The following ABCA6 variants were observed in gnomAD, a reference collection of about 807,000 sequenced individuals.
ABCA6 encodes the protein ATP-binding cassette sub-family A member 6.
Under a neutral mutation model 191.2 loss-of-function variants are expected in ABCA6, and 164 were observed. The ratio of observed to expected loss-of-function variants is 0.86; its 90% CI spans 0.76 to 0.98. The LOEUF (loss-of-function observed/expected upper bound fraction) is 0.98. Among genes scored for constraint, ABCA6 ranks in the 50% least tolerant of loss-of-function variants. The pLI is 0.00. For missense variants in ABCA6, 1,958 were observed against 1,894.1 expected, an observed-to-expected ratio of 1.03 and a Z score of -0.63; for synonymous variants, 636 against 647.7, an observed-to-expected ratio of 0.98 and a Z score of 0.27.
chr17:69,140,107 AAAAT>A (rs2074006031), intron 2 of ABCA6, among the ~76,000 whole-genome samples: 1 of 151,576 alleles, frequency 6.6e-6, no homozygotes, highest in Non-Finnish European at 1.5e-5. Flanking sequence ...TAATAATAAA[AAAAT>A]AAAAAATAAA....
chr17:69,090,398 G>A (rs562220312), intron 26 of ABCA6, among the ~76,000 whole-genome samples: 15 of 152,232 alleles, frequency 9.9e-5, no homozygotes, highest in South Asian at 6.2e-4. Flanking sequence ...CCTGCTTCAA[G>A]GCCTTTGCTT....
rs190820653 is a variant in ABCA6 at position 69,088,218 on chromosome 17, C to T, written c.3647G>A (p.Cys1216Tyr). ...QTLLFVFVLR[C>Y]MELKCGKKRM... Reference sequence around the variant, plus strand: ...TTTCTTTCCACATTTTAGTTCCATGCATCTTAGAACAAAAACGAATAGCAA... The same window carrying T: ...TTTCTTTCCACATTTTAGTTCCATGTATCTTAGAACAAAAACGAATAGCAA... The change falls in exon 28 of 39, where the codon TGC becomes TAC. Residue 1216 changes from cysteine to tyrosine, a missense_variant. Coordinates refer to ENST00000284425, the MANE Select transcript of ABCA6 (RefSeq NM_080284.3). The T allele has an allele frequency of 2.5e-6, 4 of 1,612,110 alleles. No homozygotes were observed. Among genetic ancestry groups the T allele is most frequent in the African/African-American group, 2.7e-5 (2 of 74,828 alleles).
intron 25 of ABCA6, among the ~76,000 whole-genome samples, chr17:69,092,752 G>A (rs1004816332): frequency 1.3e-5 from 2 of 152,108 alleles, no homozygotes; most frequent in Non-Finnish European, 2.9e-5. Context: ...GATCACCAAA[G>A]GACAACTGCA....
chr17:69,138,921 C>T (rs2073988601), intron 2 of ABCA6, among the ~76,000 whole-genome samples: 1 of 151,994 alleles, frequency 6.6e-6, no homozygotes, highest in Non-Finnish European at 1.5e-5. Flanking sequence ...GGATCCCTTC[C>T]TTACACCTTA....
chr17:69,113,238 C>T lies in ABCA6; in HGVS notation c.2025G>A (p.Glu675=). The T allele has an allele frequency of 6.2e-7, 1 of 1,603,780 alleles. No homozygotes were observed. Among genetic ancestry groups the T allele is most frequent in the South Asian group, 1.1e-5 (1 of 89,838 alleles). The change falls in exon 15 of 39, where the codon GAG becomes GAA. Residue 675 remains glutamate, a synonymous_variant. Transcript: ENST00000284425. ...VILFSTQSMD[E]ADILADRKVI... is the part of the protein sequence containing the mutation. The stretch of plus-strand genomic sequence containing the variant: ...AACAATTACCAGCCAGGATGTCAGC[C>T]TCATCCATGGACTGGGTACTGAAAA...
Position 69,088,276 on chromosome 17 carries a change from C to G in ABCA6, c.3607-18G>C. 6.4e-7 allele frequency: 1 copy of G among 1,559,098 alleles called. No individual in the cohort carries two copies. The highest frequency in any genetic ancestry group is 8.7e-7 in the Non-Finnish European group (1 of 1,143,440). On this transcript the variant is annotated intron_variant, in intron 27 of 38. Transcript: ENST00000284425. The stretch of plus-strand genomic sequence containing the variant: ...AAGTAGGGCTATGAGCAAAGAAATA[C>G]AGTTATATTTAGGCATAAGTTCACA...
At position 69,110,828 on chromosome 17, in the gene ABCA6, G is replaced by T; in HGVS notation, c.2245C>A (p.Pro749Thr). 1 of 1,609,668 alleles carries T rather than the reference G, an allele frequency of 6.2e-7. No homozygotes were observed. Among genetic ancestry groups the T allele is most frequent in the Non-Finnish European group, 8.5e-7 (1 of 1,178,008 alleles). The part of the protein sequence containing the change: ...ENKEKLVYTL[P>T]LERTNTFPDL... Reference sequence around the variant, plus strand: ...GGAAATGTATTTGTCCTTTCCAGTGGCAAAGTATATACAAGCTTTTCTTTG... The same window carrying T: ...GGAAATGTATTTGTCCTTTCCAGTGTCAAAGTATATACAAGCTTTTCTTTG... Residue 749 changes from proline (P) to threonine (T), a missense_variant, in exon 17 of 39, where the codon CCA becomes ACA. By Grantham distance (38) the Pro-to-Thr change is conservative. Transcript: ENST00000284425.
chr17:69,117,912 A>C lies in ABCA6; in HGVS notation c.1481T>G (p.Val494Gly). 6.3e-7 allele frequency: 1 copy of C among 1,581,594 alleles called. No individual in the cohort carries two copies. Among genetic ancestry groups the C allele is most frequent in the Non-Finnish European group, 8.6e-7 (1 of 1,156,348 alleles). ...KKEYKGKSGKVEALKGLLFDI... is the reference protein window; with the variant it reads ...KKEYKGKSGKGEALKGLLFDI... ...TTTTTCTTTACCTTTCAATGCTTCC[A>C]CTTTTCCAGATTTTCCTTTATATTC... Residue 494 changes from valine to glycine, a missense_variant, in exon 11 of 39, where the codon GTG becomes GGG. Transcript: ENST00000284425.
intron 24 of ABCA6, 60 bp downstream of exon 24, chr17:69,096,568 A>C: frequency 1.6e-6 from 2 of 1,216,212 alleles, no homozygotes; most frequent in Non-Finnish European, 2.2e-6. Context: ...TTAAAATAAC[A>C]ATGTTAAAAT....
In ABCA6 at chr17:69,079,005, A is replaced by T. The variant is rs1237270711; in HGVS notation, c.4822T>A (p.Trp1608Arg). ...TCATCTGAATGAGGGAGGAGTTTCC[A>T]TCTCATTGTTGTATCAATTTCTTCA... ...FDEEIDTTMR[W>R]KLLPHSDEP The change falls in exon 39 of 39, where the codon TGG becomes AGG. Residue 1608 changes from tryptophan to arginine, a missense_variant. Transcript: ENST00000284425. 1 of 1,612,080 alleles carries T rather than the reference A, an allele frequency of 6.2e-7. No individual in the cohort carries two copies. The highest frequency in any genetic ancestry group is 8.5e-7 in the Non-Finnish European group (1 of 1,179,356).
chr17:69,100,734 AG>A, intron 22 of ABCA6, 62 bp downstream of exon 22: 1 of 1,455,770 alleles, frequency 6.9e-7, no homozygotes, highest in South Asian at 1.4e-5. Flanking sequence ...AAAGCTAAAG[AG>A]AGAAAACATA....
At chr17:69,107,871 T>C in intron 17 of ABCA6, 59 bp from the exon 18 acceptor site, 1 of 931,396 alleles carries the variant, frequency 1.1e-6, no homozygotes, top group Non-Finnish European at 1.7e-6. Context: ...CTAAACCAAG[T>C]AAATTAATAC....
rs555470516 is a variant in ABCA6, at chr17:69,106,344, G to A, written c.2390-133C>T. The A allele has an allele frequency of 1.7e-4, 165 of 945,144 alleles. 1 individual carries two copies. The highest frequency in any genetic ancestry group is 6.9e-4 in the Middle Eastern group (2 of 2,878). The allele number at this position is 945,144 out of a possible 1,614,324, so 58.5% of individuals were successfully genotyped here. A position where few individuals can be genotyped will look rare whatever the true frequency, so the allele number is the denominator to read the frequency against. ...ATGGTGGCTTATGCCTGTAATCCCAGTACTCTGGGAGACCAAGGTGGGTGG... is the reference window on the plus strand; with the variant it reads ...ATGGTGGCTTATGCCTGTAATCCCAATACTCTGGGAGACCAAGGTGGGTGG... On this transcript the variant is annotated intron_variant, in intron 18 of 38. Coordinates refer to ENST00000284425, the MANE Select transcript of ABCA6 (RefSeq NM_080284.3).
chr17:69,094,114 G>T (rs2144630508), intron 25 of ABCA6, among the ~76,000 whole-genome samples: 1 of 152,220 alleles, frequency 6.6e-6, no homozygotes, highest in Non-Finnish European at 1.5e-5. Context: ...CTGATTTTCT[G>T]CTGTGATCTT....
intron 26 of ABCA6, 99 bp downstream of exon 26, chr17:69,091,044 C>T: frequency 1.6e-6 from 2 of 1,259,666 alleles, no homozygotes; most frequent in Non-Finnish European, 1.1e-6. Flanking sequence ...TTTGCTGTTA[C>T]TCCCCAGTTC....
chr17:69,089,521 C>A lies in ABCA6; in HGVS notation c.3550G>T (p.Glu1184Ter). Residue 1184 changes from glutamate to a stop codon, truncating the protein, a stop_gained, in exon 27 of 39, where the codon GAA becomes TAA. Transcript: ENST00000284425. LOFTEE classifies it high-confidence loss of function. ...LEVRDQEHYR[E>*]FPEANFELSA... ...AATTCAAAATTTGCCTCTGGAAATT[C>A]TCTGTAGTGCTCCTGGTCTCTCTGA... 1 of 1,613,420 alleles carries A rather than the reference C, an allele frequency of 6.2e-7. No individual in the cohort carries two copies. Among genetic ancestry groups the A allele is most frequent in the Non-Finnish European group, 8.5e-7 (1 of 1,179,824 alleles).
chr17:69,121,159 A>G (rs1163634942), intron 10 of ABCA6, among the ~76,000 whole-genome samples: 3 of 152,112 alleles, frequency 2.0e-5, no homozygotes, highest in Non-Finnish European at 4.4e-5. Context: ...ACACGTTGGA[A>G]TTGATTGAAA....
At chr17:69,114,961 A>G (rs1568022183) in intron 12 of ABCA6, 24 bp from the exon 13 acceptor site, 2 of 1,545,372 alleles carry the variant, frequency 1.3e-6, no homozygotes, top group Admixed American at 3.7e-5. Context: ...TTAAAAATAA[A>G]ATTGGCAAGA....
At position 69,089,496 on chromosome 17, in the gene ABCA6, A is replaced by C. The variant is rs2072878585; in HGVS notation, c.3575T>G (p.Leu1192Trp). Residue 1192 changes from leucine (L) to tryptophan (W), a missense_variant, in exon 27 of 39, where the codon TTG becomes TGG. Physicochemically the swap from Leu to Trp is moderately conservative, Grantham distance 61. Transcript: ENST00000284425. Reference protein sequence around the residue: ...YREFPEANFELSATDFLVCFI... With the variant: ...YREFPEANFEWSATDFLVCFI... ...GCAGACTAGAAAATCAGTGGCACTCAATTCAAAATTTGCCTCTGGAAATTC... is the reference window on the plus strand; with the variant it reads ...GCAGACTAGAAAATCAGTGGCACTCCATTCAAAATTTGCCTCTGGAAATTC... 1.2e-6 allele frequency: 2 copies of C among 1,613,678 alleles called. No homozygotes were observed. The highest frequency in any genetic ancestry group is 1.3e-5 in the African/African-American group (1 of 74,922).
Sources: gnomAD v4.1 joint callset for allele counts (sites outside exome capture counted in the v4.1 genomes callset) on GRCh38, gnomAD v4.1.1 for gene constraint, MANE v1.5 for transcripts, NCBI Gene and HGNC (gene_info 2026-07-23, HGNC 2026-07-21) for gene names.